Variants in RBM27 observed in about 807,000 individuals in gnomAD.
The protein encoded by RBM27 is RNA binding motif protein 27.
In RBM27, 22 loss-of-function variants were observed where a neutral mutation model predicts 135.3. The ratio of observed to expected loss-of-function variants is 0.16; its 90% CI spans 0.12 to 0.23. The LOEUF (loss-of-function observed/expected upper bound fraction) is 0.23, where lower values mean the gene tolerates loss of function less well. Ranked by LOEUF, RBM27 falls within the 10% of genes least tolerant of loss-of-function variation. The pLI is 1.00. For missense variants in RBM27, 1,009 were observed against 1,281.0 expected, an observed-to-expected ratio of 0.79 and a Z score of 3.24; for synonymous variants, 481 against 442.4, an observed-to-expected ratio of 1.09 and a Z score of -1.10.
At chr5:146,239,740 C>T (rs780991444) in intron 8 of RBM27, among the ~76,000 whole-genome samples, 9 of 149,772 alleles carry the variant, frequency 6.0e-5, no homozygotes, top group African/African-American at 1.7e-4. Context: ...CCTTGCAAAG[C>T]GCTGGGATTA....
intron 6 of RBM27, among the ~76,000 whole-genome samples, chr5:146,231,657 C>T (rs1229410420): frequency 6.6e-6 from 1 of 151,548 alleles, no homozygotes; most frequent in Admixed American, 6.6e-5. Context: ...TTGCTCTGTC[C>T]CCCAGGCTAG....
chr5:146,228,429 G>A (rs1319756862), intron 3 of RBM27, among the ~76,000 whole-genome samples: 1 of 151,464 alleles, frequency 6.6e-6, no homozygotes, highest in African/African-American at 2.4e-5. Context: ...CTACAGGCAC[G>A]TGCCACCACA....
chr5:146,273,108 A>G (rs1384935037), intron 19 of RBM27, among the ~76,000 whole-genome samples: 1 of 152,224 alleles, frequency 6.6e-6, no homozygotes, highest in Non-Finnish European at 1.5e-5. Context: ...GGTCTTGTAG[A>G]ACCAGTACCA....
At chr5:146,268,970 G>A (rs1435724062) in intron 15 of RBM27, among the ~76,000 whole-genome samples, 6 of 152,172 alleles carry the variant, frequency 3.9e-5, no homozygotes, top group African/African-American at 1.4e-4. Context: ...GGTCATTCAA[G>A]TCAATAAATC....
intron 8 of RBM27, among the ~76,000 whole-genome samples, chr5:146,241,429 A>G (rs1233968433): frequency 6.6e-6 from 1 of 152,214 alleles, no homozygotes; most frequent in Non-Finnish European, 1.5e-5. Flanking sequence ...TGTTTTATTT[A>G]AAAGTAAGAC....
chr5:146,242,070 G>A (rs1021759563), intron 8 of RBM27, among the ~76,000 whole-genome samples: 1 of 151,994 alleles, frequency 6.6e-6, no homozygotes, highest in African/African-American at 2.4e-5. Flanking sequence ...GATCACGGGT[G>A]TGAGCCATCA....
At chr5:146,238,470 T>G (rs533110365) in intron 8 of RBM27, among the ~76,000 whole-genome samples, 1 of 152,316 alleles carries the variant, frequency 6.6e-6, no homozygotes, top group East Asian at 1.9e-4. Context: ...ATCGTGCCAC[T>G]GCACTCCCGC....
chr5:146,250,528 C>T (rs1393352378), intron 8 of RBM27, among the ~76,000 whole-genome samples: 1 of 151,530 alleles, frequency 6.6e-6, no homozygotes, highest in African/African-American at 2.4e-5. Flanking sequence ...ATAAATATGT[C>T]TCAAATGGGG....
chr5:146,249,231 C>A lies in RBM27; in HGVS notation c.1280-2480C>A, dbSNP rs72806120. On this transcript the variant is annotated intron_variant, in intron 8 of 20. Transcript: ENST00000265271. ...CTCCTGAGCTCAAGTAATCCTCACA[C>A]CTTGGCCTCCCAAATTGTTGGGTTT... Among the ~76,000 whole-genome samples, 739 of 152,206 alleles carry A rather than the reference C, an allele frequency of 4.9e-3. 5 individuals carry two copies. Among genetic ancestry groups the A allele is most frequent in the Non-Finnish European group, 8.9e-3 (607 of 68,006 alleles).
At chr5:146,266,265 A>G (rs182913578) in intron 14 of RBM27, among the ~76,000 whole-genome samples, 25 of 152,330 alleles carry the variant, frequency 1.6e-4, no homozygotes, top group African/African-American at 5.1e-4. Flanking sequence ...ACAGAATCCT[A>G]TGGGGGAGTA....
At chr5:146,243,485 A>C (rs1289116816) in intron 8 of RBM27, among the ~76,000 whole-genome samples, 2 of 152,168 alleles carry the variant, frequency 1.3e-5, no homozygotes, top group Non-Finnish European at 2.9e-5. Flanking sequence ...TTGGATTTTA[A>C]GATCTGTGAT....
chr5:146,250,544 G>A (rs891137953), intron 8 of RBM27, among the ~76,000 whole-genome samples: 1 of 151,766 alleles, frequency 6.6e-6, no homozygotes, highest in Admixed American at 6.6e-5. Context: ...TGGGGTTGTC[G>A]GTGAAAAAGA....
intron 10 of RBM27, 139 bp downstream of exon 10, chr5:146,255,231 T>A: frequency 1.7e-6 from 1 of 596,658 alleles, no homozygotes; most frequent in Non-Finnish European, 2.6e-6. Context: ...GGGTGCTATG[T>A]ATTAATCTCA....
intron 18 of RBM27, 101 bp from the exon 19 acceptor site, chr5:146,271,382 G>A (rs1281264976): frequency 4.2e-5 from 47 of 1,114,678 alleles, no homozygotes; most frequent in Admixed American, 5.6e-5. Flanking sequence ...CCTAGGCAAC[G>A]AGAGTGAAAT....
intron 8 of RBM27, among the ~76,000 whole-genome samples, chr5:146,243,723 T>C (rs1444632350): frequency 6.6e-6 from 1 of 152,216 alleles, no homozygotes; most frequent in Admixed American, 6.5e-5. Flanking sequence ...TGGGAAAGTT[T>C]AAATTATGGA....
chr5:146,207,682 A>G (rs1029665609), intron 1 of RBM27, among the ~76,000 whole-genome samples: 19 of 136,952 alleles, frequency 1.4e-4, no homozygotes, highest in African/African-American at 5.3e-4. Flanking sequence ...TTTTTGAGAC[A>G]GGGTCTCTGT....
intron 17 of RBM27, among the ~76,000 whole-genome samples, chr5:146,270,531 A>G (rs1758818052): frequency 3.3e-5 from 5 of 152,212 alleles, no homozygotes; most frequent in Admixed American, 3.3e-4. Context: ...CTGATAAATA[A>G]TTCGTCTCTA....
chr5:146,209,351 G>T (rs979377205), intron 1 of RBM27, among the ~76,000 whole-genome samples: 1 of 152,184 alleles, frequency 6.6e-6, no homozygotes, highest in South Asian at 2.1e-4. Context: ...AACAGGAATT[G>T]CTAGTCAAAG....
Position 146,272,443 on chromosome 5 carries a change from GA to G in RBM27, c.2988+770del, listed in dbSNP as rs1758909431. Among the ~76,000 whole-genome samples, 5 of 152,182 alleles carry G rather than the reference GA, an allele frequency of 3.3e-5. 1 individual carries two copies. In the South Asian group the frequency reaches 1.0e-3, roughly 32 times the overall value. ...CTATTAAGTTTTAAAGATGGCCAGG[GA>G]CAATGGCTCATGTCTGTAATCCCAG... On this transcript the variant is annotated intron_variant, in intron 19 of 20. Transcript: ENST00000265271.
Sources: allele counts gnomAD v4.1 joint callset (sites outside exome capture counted in the v4.1 genomes callset), GRCh38; gene constraint gnomAD v4.1.1; transcripts MANE v1.5; gene names NCBI Gene and HGNC (gene_info 2026-07-23, HGNC 2026-07-21).